CMIP: variants seen among roughly 807,000 people sequenced by gnomAD.
CMIP encodes the protein C-Maf-inducing protein.
Under a neutral mutation model 97.3 loss-of-function variants are expected in CMIP, and 13 were observed. The observed-to-expected ratio is 0.13, with a 90% CI of 0.09 to 0.21. The LOEUF is 0.21. CMIP is among the 10% of genes least tolerant of loss of function. The pLI is 1.00. For synonymous variants in CMIP, 538 were observed against 436.3 expected (o/e 1.23, Z -2.91); for missense variants, 847 against 1,024.9 (o/e 0.83, Z 2.37).
intron 1 of CMIP, among the ~76,000 whole-genome samples, chr16:81,492,443 T>C (rs950457290): frequency 6.6e-6 from 1 of 152,218 alleles, no homozygotes; most frequent in Non-Finnish European, 1.5e-5. Flanking sequence ...TGAGCACTTC[T>C]GTTAGCGATG....
At position 81,711,534 on chromosome 16, in the gene CMIP, C is replaced by G. The variant is rs1282295925; in HGVS notation, c.*1735C>G. On this transcript the variant is annotated 3_prime_UTR_variant, in exon 21 of 21. Coordinates refer to ENST00000537098, the MANE Select transcript of CMIP (RefSeq NM_198390.3). Reference sequence around the variant, plus strand: ...TTTCTTTCCCCCCTCCGGTCCCATACTTCACAGCACTCTGGTGCGGGAAGA... The same window carrying G: ...TTTCTTTCCCCCCTCCGGTCCCATAGTTCACAGCACTCTGGTGCGGGAAGA... The G allele has an allele frequency of 4.0e-5, 6 of 148,944 alleles. No individual in the cohort carries two copies. In the Admixed American group the frequency reaches 4.0e-4, roughly 10 times the overall value. 9.2% of individuals were successfully genotyped at this position (148,944 alleles called of 1,614,324 possible). A position where few individuals can be genotyped will look rare whatever the true frequency, so the allele number is the denominator to read the frequency against.
At chr16:81,554,771 G>A (rs989872346) in intron 1 of CMIP, among the ~76,000 whole-genome samples, 5 of 152,166 alleles carry the variant, frequency 3.3e-5, no homozygotes, top group African/African-American at 4.8e-5. Flanking sequence ...GGAGATAATC[G>A]TTATATCTGG....
chr16:81,653,304 T>C (rs958641570), intron 4 of CMIP, among the ~76,000 whole-genome samples: 1 of 152,002 alleles, frequency 6.6e-6, no homozygotes, highest in Admixed American at 6.5e-5. Flanking sequence ...CCTGGAGCCC[T>C]CCCCTTTCTC....
At chr16:81,703,739 C>T (rs764217543) in intron 17 of CMIP, 200 bp from the exon 18 acceptor site, 20 of 627,988 alleles carry the variant, frequency 3.2e-5, no homozygotes, top group African/African-American at 1.8e-4. Flanking sequence ...CCATGGGATG[C>T]GTGGCAGCCC....
rs370223572 is a variant in CMIP, at chr16:81,616,872, G to A, written c.427-4004G>A. 2.0e-5 allele frequency among the ~76,000 whole-genome samples: 3 copies of A among 152,344 alleles called. No homozygotes were observed. In the East Asian group the frequency reaches 5.8e-4, roughly 29 times the overall value. On this transcript the variant is annotated intron_variant, in intron 2 of 20. Transcript: ENST00000537098. The surrounding 1 kb of genome is among the most constrained non-coding windows in gnomAD (Gnocchi z 4.7). ...AGTGCTGCTGTGAGAGGCAGGCTAC[G>A]AGGACCCAGCTAAGACTGGAGGCTC...
At chr16:81,492,230 C>T (rs918073289) in intron 1 of CMIP, among the ~76,000 whole-genome samples, 8 of 152,238 alleles carry the variant, frequency 5.3e-5, no homozygotes, top group African/African-American at 1.7e-4. Context: ...ATGCCATCCA[C>T]AGGGTGCAAG....
Position 81,515,776 on chromosome 16 carries a change from CTG to C in CMIP, c.300+70237_300+70238del, listed in dbSNP as rs1437152381. 2.0e-5 allele frequency among the ~76,000 whole-genome samples: 3 copies of C among 152,304 alleles called. No individual in the cohort carries two copies. In the East Asian group the frequency reaches 5.8e-4, roughly 29 times the overall value. Reference sequence around the variant, plus strand: ...GCTGGGTGTGGTCGGGAGCCAATCTCTGTAGGTTCTTGTGTCCCAGGCTCCCG... The same window carrying C: ...GCTGGGTGTGGTCGGGAGCCAATCTCTAGGTTCTTGTGTCCCAGGCTCCCG... On this transcript the variant is annotated intron_variant, in intron 1 of 20. Coordinates refer to ENST00000537098, the MANE Select transcript of CMIP (RefSeq NM_198390.3).
At chr16:81,689,516 G>C (rs1010473338) in intron 10 of CMIP, among the ~76,000 whole-genome samples, 2 of 152,138 alleles carry the variant, frequency 1.3e-5, no homozygotes, top group East Asian at 1.9e-4. Context: ...ATTTTTTCTT[G>C]TAAATTTGTT....
At chr16:81,577,436 A>G (rs2091213143) in intron 1 of CMIP, among the ~76,000 whole-genome samples, 1 of 94,264 alleles carries the variant, frequency 1.1e-5, no homozygotes, top group African/African-American at 2.7e-5. Flanking sequence ...CATCACCATC[A>G]TAACCATCAC....
intron 3 of CMIP, among the ~76,000 whole-genome samples, chr16:81,624,129 G>GAA (rs5818342): frequency 4.2e-5 from 6 of 143,684 alleles, no homozygotes; most frequent in African/African-American, 5.1e-5. Flanking sequence ...GTCTTTAACT[G>GAA]AAAAAAAAAA....
intron 1 of CMIP, among the ~76,000 whole-genome samples, chr16:81,495,873 A>G (rs2089480580): frequency 6.6e-6 from 1 of 152,192 alleles, no homozygotes; most frequent in South Asian, 2.1e-4. Flanking sequence ...CTAGACAGGA[A>G]GCTGTCAGTC....
chr16:81,503,295 T>C (rs1009271687), intron 1 of CMIP, among the ~76,000 whole-genome samples: 56 of 152,304 alleles, frequency 3.7e-4, no homozygotes, highest in African/African-American at 1.3e-3. Context: ...AGCCGGGTGC[T>C]TGATGGTGAA....
At chr16:81,698,339 G>A (rs946070271) in intron 14 of CMIP, among the ~76,000 whole-genome samples, 1 of 152,224 alleles carries the variant, frequency 6.6e-6, no homozygotes, top group Non-Finnish European at 1.5e-5. Flanking sequence ...CCATGCACCA[G>A]AACAAAAGAC....
At chr16:81,546,668 C>A (rs117428761) in intron 1 of CMIP, among the ~76,000 whole-genome samples, 1 of 152,102 alleles carries the variant, frequency 6.6e-6, no homozygotes, top group Non-Finnish European at 1.5e-5. Context: ...GATTATCGTG[C>A]GGGGTGAGAA....
At chr16:81,464,506 A>G (rs1567528805) in intron 1 of CMIP, 3 of 152,266 alleles carry the variant, frequency 2.0e-5, no homozygotes, top group East Asian at 3.9e-4. Context: ...TCATTCATTC[A>G]TTCATTCATT....
intron 1 of CMIP, among the ~76,000 whole-genome samples, chr16:81,468,183 G>T (rs1199172009): frequency 6.6e-6 from 1 of 152,186 alleles, no homozygotes; most frequent in Non-Finnish European, 1.5e-5. Context: ...GGCTTTCCTG[G>T]GCAGGGGCCA....
At chr16:81,459,718 T>C (rs533868852) in intron 1 of CMIP, among the ~76,000 whole-genome samples, 3 of 152,144 alleles carry the variant, frequency 2.0e-5, no homozygotes, top group East Asian at 3.9e-4. Flanking sequence ...ATTCCAGGGG[T>C]GTGCTCTCTG....
chr16:81,649,983 C>T (rs1292594484), intron 3 of CMIP, among the ~76,000 whole-genome samples: 1 of 152,216 alleles, frequency 6.6e-6, no homozygotes, highest in African/African-American at 2.4e-5. Flanking sequence ...GGCAGCGTGT[C>T]CTGCTCACAG....
intron 1 of CMIP, among the ~76,000 whole-genome samples, chr16:81,490,875 C>T (rs1484279437): frequency 6.6e-6 from 1 of 152,156 alleles, no homozygotes; most frequent in African/African-American, 2.4e-5. Context: ...ATGGGGCAGG[C>T]ATCGAACTGG....
Sources: gnomAD v4.1 joint callset for allele counts (sites outside exome capture counted in the v4.1 genomes callset) on GRCh38, gnomAD v4.1.1 for gene constraint, Gnocchi (gnomAD v3.1) non-coding constraint, MANE v1.5 for transcripts, NCBI Gene and HGNC (gene_info 2026-07-23, HGNC 2026-07-21) for gene names.